B4GALT6: variants seen among roughly 807,000 people sequenced by gnomAD.
The protein encoded by B4GALT6 is UDP-Gal:beta-GlcNAc beta-1,4-galactosyltransferase 6.
In B4GALT6, 14 loss-of-function variants were observed where a neutral mutation model predicts 46.3. That is an observed-to-expected ratio of 0.30 (90% confidence interval 0.20 to 0.47). B4GALT6 has a LOEUF of 0.47. B4GALT6 is among the 20% of genes least tolerant of loss of function. The pLI is 0.99. For missense variants in B4GALT6, 386 were observed against 480.1 expected, an observed-to-expected ratio of 0.80 and a Z score of 1.83; for synonymous variants, 168 against 162.0, an observed-to-expected ratio of 1.04 and a Z score of -0.28.
intron 2 of B4GALT6, among the ~76,000 whole-genome samples, chr18:31,662,840 CA>C (rs1298796329): frequency 6.9e-6 from 1 of 144,866 alleles, no homozygotes; most frequent in African/African-American, 2.6e-5. Flanking sequence ...GACTCTGTCT[CA>C]AAAAAAAACA....
intron 3 of B4GALT6, among the ~76,000 whole-genome samples, chr18:31,653,060 ACT>A (rs1235664006): frequency 8.0e-5 from 12 of 149,272 alleles, no homozygotes; most frequent in African/African-American, 2.7e-4. Context: ...AAAATCATGC[ACT>A]GTCACCTGAG....
the B4GALT6 span, chr18:31,724,344 T>C: frequency 1.2e-6 from 1 of 838,420 alleles, no homozygotes. Flanking sequence ...CGGCTTAGCC[T>C]CTGGAGTGGG....
chr18:31,705,285 G>GT, the B4GALT6 span, among the ~76,000 whole-genome samples: 1 of 152,224 alleles, frequency 6.6e-6, no homozygotes, highest in Non-Finnish European at 1.5e-5. Flanking sequence ...TATAAGGCAA[G>GT]GAGAGTACCA....
At chr18:31,697,536 A>G in the B4GALT6 span, among the ~76,000 whole-genome samples, 1 of 152,062 alleles carries the variant, frequency 6.6e-6, no homozygotes, top group Non-Finnish European at 1.5e-5. Flanking sequence ...ATTGTTACTT[A>G]TTGTTACTTG....
intron 5 of B4GALT6, 35 bp downstream of exon 5, chr18:31,638,609 G>A (rs1264973999): frequency 6.9e-7 from 1 of 1,440,834 alleles, no homozygotes; most frequent in South Asian, 1.1e-5. Context: ...TTAGATTCTA[G>A]TATACTTAGT....
chr18:31,669,686 G>A (rs1418611774), intron 1 of B4GALT6, among the ~76,000 whole-genome samples: 3 of 152,198 alleles, frequency 2.0e-5, no homozygotes, highest in African/African-American at 7.2e-5. Flanking sequence ...TAGAAGACAA[G>A]CTAACATTAA....
chr18:31,629,903 T>C (rs1472972694), intron 6 of B4GALT6, among the ~76,000 whole-genome samples: 4 of 150,130 alleles, frequency 2.7e-5, no homozygotes, highest in Admixed American at 6.6e-5. Context: ...GATGGCCTTC[T>C]TCAAGGTAAC....
intron 4 of B4GALT6, among the ~76,000 whole-genome samples, chr18:31,640,605 A>C (rs1273032236): frequency 1.3e-5 from 2 of 152,198 alleles, no homozygotes; most frequent in Admixed American, 6.5e-5. Context: ...GTAGGAACTA[A>C]AGAGGTCTGG....
chr18:31,642,229 G>T (rs1332394139), intron 4 of B4GALT6, among the ~76,000 whole-genome samples: 1 of 152,156 alleles, frequency 6.6e-6, no homozygotes, highest in Non-Finnish European at 1.5e-5. Context: ...CCAGGCTGGA[G>T]TACAGTGGTG....
intron 2 of B4GALT6, among the ~76,000 whole-genome samples, chr18:31,660,584 AAAT>A (rs1190996501): frequency 1.3e-5 from 2 of 152,164 alleles, no homozygotes; most frequent in African/African-American, 2.4e-5. Flanking sequence ...GAATTCTTAA[AAAT>A]AAGTTTGCCA....
intron 6 of B4GALT6, among the ~76,000 whole-genome samples, chr18:31,630,414 T>TG (rs1178989708): frequency 2.3e-5 from 3 of 129,758 alleles, no homozygotes; most frequent in South Asian, 2.4e-4. Context: ...GGAAAAGATT[T>TG]GGGTTTTTTT....
intron 1 of B4GALT6, 49 bp downstream of exon 1, chr18:31,684,263 G>T: frequency 6.2e-7 from 1 of 1,609,150 alleles, no homozygotes. Flanking sequence ...AACAGCCTGC[G>T]CTGGCTGTGG....
chr18:31,675,214 T>C (rs1205460913), intron 1 of B4GALT6, among the ~76,000 whole-genome samples: 1 of 152,248 alleles, frequency 6.6e-6, no homozygotes, highest in Non-Finnish European at 1.5e-5. Context: ...AATCTTTGTG[T>C]TTGAATACTG....
At chr18:31,675,025 A>C (rs1021399267) in intron 1 of B4GALT6, among the ~76,000 whole-genome samples, 2 of 152,260 alleles carry the variant, frequency 1.3e-5, no homozygotes, top group Non-Finnish European at 2.9e-5. Flanking sequence ...TTCTGTGTTC[A>C]GAGCCCCACT....
chr18:31,705,771 A>T, the B4GALT6 span, among the ~76,000 whole-genome samples: 2 of 152,230 alleles, frequency 1.3e-5, no homozygotes, highest in African/African-American at 4.8e-5. Flanking sequence ...GGTAACTTGT[A>T]TTAACAGATA....
chr18:31,677,730 A>C (rs1043982223), intron 1 of B4GALT6, among the ~76,000 whole-genome samples: 35 of 152,210 alleles, frequency 2.3e-4, no homozygotes, highest in African/African-American at 6.5e-4. Context: ...AGAAAACACG[A>C]AACAGATTCA....
the B4GALT6 span, among the ~76,000 whole-genome samples, chr18:31,705,385 A>G: frequency 1.3e-5 from 2 of 152,004 alleles, no homozygotes; most frequent in African/African-American, 4.8e-5. Flanking sequence ...TTTGACTTTC[A>G]TTTATTTATT....
At chr18:31,699,997 T>C in the B4GALT6 span, among the ~76,000 whole-genome samples, 1 of 151,898 alleles carries the variant, frequency 6.6e-6, no homozygotes, top group Non-Finnish European at 1.5e-5. Context: ...AATCAGATAG[T>C]GGGAAAGAAG....
upstream of B4GALT6, among the ~76,000 whole-genome samples, chr18:31,690,679 C>G (rs1354826978): frequency 6.6e-6 from 1 of 151,876 alleles, no homozygotes; most frequent in Non-Finnish European, 1.5e-5. Flanking sequence ...CCATGTTGGT[C>G]AGGCTGGTCT....
Sources: allele counts gnomAD v4.1 joint callset (sites outside exome capture counted in the v4.1 genomes callset), GRCh38; gene constraint gnomAD v4.1.1; transcripts MANE v1.5; gene names NCBI Gene and HGNC (gene_info 2026-07-23, HGNC 2026-07-21).